Variants in DOCK4 observed in about 807,000 individuals in gnomAD.
DOCK4 encodes dedicator of cytokinesis protein 4.
Under a neutral mutation model 268.1 loss-of-function variants are expected in DOCK4, and 97 were observed. That is an observed-to-expected ratio of 0.36 (90% CI 0.31 to 0.43). The LOEUF (loss-of-function observed/expected upper bound fraction) is 0.43. Among genes scored for constraint, DOCK4 ranks in the 20% least tolerant of loss-of-function variants. The probability of loss-of-function intolerance (pLI) is 1.00; values close to 1 mark genes in which losing one functional copy is unlikely to be tolerated. For synonymous variants in DOCK4, 954 were observed against 887.2 expected (o/e 1.08, Z -1.34); for missense variants, 2,145 against 2,455.7 (o/e 0.87, Z 2.67).
At chr7:111,729,367 G>T in intron 52 of DOCK4, among the ~76,000 whole-genome samples, 1 of 151,964 alleles carries the variant, frequency 6.6e-6, no homozygotes, top group East Asian at 1.9e-4. Context: ...AGACCAGCCT[G>T]GGCAACATGG....
chr7:111,769,754 A>G, intron 36 of DOCK4, 77 bp from the exon 37 acceptor site: 2 of 1,483,598 alleles, frequency 1.3e-6, no homozygotes, highest in South Asian at 2.6e-5. Context: ...AGTTTCCGAC[A>G]AACTGGGGAA....
At chr7:111,761,900 A>G (rs1797429761) in intron 39 of DOCK4, among the ~76,000 whole-genome samples, 1 of 152,228 alleles carries the variant, frequency 6.6e-6, no homozygotes, top group Non-Finnish European at 1.5e-5. Flanking sequence ...GCTGTATTTT[A>G]AAAATTCTAC....
intron 13 of DOCK4, among the ~76,000 whole-genome samples, chr7:111,915,395 T>C (rs1325702500): frequency 1.3e-5 from 2 of 152,212 alleles, no homozygotes; most frequent in Non-Finnish European, 2.9e-5. Flanking sequence ...ACTTAGGATA[T>C]CCTCTAAGCA....
At chr7:112,002,146 G>A (rs992154407) in intron 2 of DOCK4, among the ~76,000 whole-genome samples, 1 of 151,966 alleles carries the variant, frequency 6.6e-6, no homozygotes, top group Admixed American at 6.6e-5. Context: ...TTTCTTAAAA[G>A]GATATATTGT....
chr7:111,954,354 C>A lies in DOCK4; in HGVS notation c.702-8556G>T, dbSNP rs112258247. ...AGGTGTGCTGGCAGTTCTGCAGTGGCCGCTGGACTACGGGGCTTTGGTGCT... is the reference window on the plus strand; with the variant it reads ...AGGTGTGCTGGCAGTTCTGCAGTGGACGCTGGACTACGGGGCTTTGGTGCT... On this transcript the variant is annotated intron_variant, in intron 8 of 52. Coordinates refer to ENST00000428084, the MANE Select transcript of DOCK4 (RefSeq NM_001363540.2). Among the ~76,000 whole-genome samples the A allele has an allele frequency of 2.3e-4, 35 of 152,230 alleles. 1 individual carries two copies. The highest frequency in any genetic ancestry group is 7.2e-4 in the African/African-American group (30 of 41,534).
At chr7:112,153,444 T>A (rs1054058512) in intron 1 of DOCK4, among the ~76,000 whole-genome samples, 3 of 152,196 alleles carry the variant, frequency 2.0e-5, no homozygotes, top group Non-Finnish European at 4.4e-5. Context: ...AATGTTCCTA[T>A]GAAGGGAGGA....
chr7:111,788,991 G>C (rs1799356734), intron 31 of DOCK4: 1 of 535,270 alleles, frequency 1.9e-6, no homozygotes, highest in Non-Finnish European at 3.4e-6. Flanking sequence ...CTATCTATTT[G>C]TTGATTCAAA....
intron 11 of DOCK4, among the ~76,000 whole-genome samples, chr7:111,937,167 C>T (rs1048978750): frequency 3.9e-5 from 6 of 152,176 alleles, no homozygotes; most frequent in African/African-American, 1.4e-4. Flanking sequence ...ATCTTCCAGG[C>T]TCAGGCAGGC....
chr7:112,007,318 G>GGAATGAAT (rs72228459), intron 1 of DOCK4, among the ~76,000 whole-genome samples: 10 of 151,740 alleles, frequency 6.6e-5, no homozygotes, highest in South Asian at 2.1e-4. Flanking sequence ...ACAAATACAT[G>GGAATGAAT]GAATGAATGA....
chr7:111,740,100 T>C, intron 47 of DOCK4: 1 of 446,960 alleles, frequency 2.2e-6, no homozygotes, highest in Non-Finnish European at 4.5e-6. Flanking sequence ...AAATCATGTC[T>C]TTTTTTCTTT....
At chr7:112,077,501 T>C (rs1393655351) in intron 1 of DOCK4, among the ~76,000 whole-genome samples, 1 of 152,162 alleles carries the variant, frequency 6.6e-6, no homozygotes, top group Non-Finnish European at 1.5e-5. Flanking sequence ...ACGCATCATT[T>C]CTACAGTGTG....
At chr7:111,768,313 C>T (rs1327590958) in intron 37 of DOCK4, among the ~76,000 whole-genome samples, 2 of 152,084 alleles carry the variant, frequency 1.3e-5, no homozygotes, top group Non-Finnish European at 2.9e-5. Context: ...GGAAACTTTA[C>T]AGCAGGAGGG....
intron 8 of DOCK4, among the ~76,000 whole-genome samples, chr7:111,954,861 C>A: frequency 6.6e-6 from 1 of 152,226 alleles, no homozygotes; most frequent in East Asian, 1.9e-4. Flanking sequence ...TACAAAGAGC[C>A]TCGCACCAAC....
At chr7:112,007,784 T>C (rs1437901500) in intron 1 of DOCK4, among the ~76,000 whole-genome samples, 1 of 152,218 alleles carries the variant, frequency 6.6e-6, no homozygotes, top group Non-Finnish European at 1.5e-5. Context: ...AGCTTCAATA[T>C]GCAATTCTGT....
intron 1 of DOCK4, 140 bp from the exon 2 acceptor site, chr7:112,004,271 A>G (rs1047571311): frequency 3.2e-6 from 2 of 624,616 alleles, no homozygotes; most frequent in East Asian, 3.1e-5. Context: ...TTAATTTTAT[A>G]TCTTTCTAAG....
intron 10 of DOCK4, among the ~76,000 whole-genome samples, chr7:111,942,413 C>T (rs376001913): frequency 3.9e-5 from 6 of 152,218 alleles, no homozygotes; most frequent in Admixed American, 1.3e-4. Flanking sequence ...ATATAGTGAA[C>T]GCCAAGTTTC....
At chr7:111,739,823 CTTG>C (rs1795779305) in intron 47 of DOCK4, 1 of 347,028 alleles carries the variant, frequency 2.9e-6, no homozygotes, top group Non-Finnish European at 5.5e-6. Flanking sequence ...AATATGCCTT[CTTG>C]TTATCTGTAC....
At chr7:111,874,381 T>C (rs923168625) in intron 17 of DOCK4, among the ~76,000 whole-genome samples, 6 of 152,068 alleles carry the variant, frequency 3.9e-5, no homozygotes, top group African/African-American at 1.4e-4. Context: ...AGGGCCCATT[T>C]AAGTAGGGCT....
intron 1 of DOCK4, among the ~76,000 whole-genome samples, chr7:112,117,760 T>C (rs1227090026): frequency 6.6e-6 from 1 of 152,234 alleles, no homozygotes; most frequent in Non-Finnish European, 1.5e-5. Flanking sequence ...GTTGTGTTAT[T>C]GTATGGCATG....
Sources: gnomAD v4.1 joint callset for allele counts (sites outside exome capture counted in the v4.1 genomes callset) on GRCh38, gnomAD v4.1.1 for gene constraint, MANE v1.5 for transcripts, NCBI Gene and HGNC (gene_info 2026-07-23, HGNC 2026-07-21) for gene names.